CACHD1: variants seen among roughly 807,000 people sequenced by gnomAD.
CACHD1 encodes the protein cache domain containing 1.
CACHD1 carries 71 observed loss-of-function variants against 138.7 expected under a neutral mutation model. The observed-to-expected ratio is 0.51, with a 90% CI of 0.42 to 0.62. The LOEUF (loss-of-function observed/expected upper bound fraction) is 0.62, where lower values mean the gene tolerates loss of function less well. Ranked by LOEUF, CACHD1 falls within the 20% of genes least tolerant of loss-of-function variation. CACHD1 has a pLI of 0.00. For synonymous variants in CACHD1, 578 were observed against 591.5 expected (o/e 0.98, Z 0.33); for missense variants, 1,389 against 1,625.3 (o/e 0.85, Z 2.50).
chr1:64,520,094 A>T (rs1646487372), intron 1 of CACHD1, among the ~76,000 whole-genome samples: 1 of 152,204 alleles, frequency 6.6e-6, no homozygotes, highest in South Asian at 2.1e-4. Context: ...ACTTGTAGAC[A>T]TTACAACATT....
At chr1:64,594,029 G>A (rs1647129145) in intron 3 of CACHD1, among the ~76,000 whole-genome samples, 1 of 152,030 alleles carries the variant, frequency 6.6e-6, no homozygotes, top group African/African-American at 2.4e-5. Context: ...CGAGGCGTGG[G>A]GATCATCTGA....
intron 1 of CACHD1, among the ~76,000 whole-genome samples, chr1:64,499,610 A>G (rs2100318875): frequency 6.6e-6 from 1 of 152,346 alleles, no homozygotes; most frequent in Admixed American, 6.5e-5. Flanking sequence ...AAAATCTATC[A>G]TTTCTTTCCA....
intron 12 of CACHD1, among the ~76,000 whole-genome samples, chr1:64,656,182 A>G (rs940922156): frequency 1.3e-5 from 2 of 152,228 alleles, no homozygotes; most frequent in African/African-American, 4.8e-5. Context: ...CTAAAATGCA[A>G]ATGAAGCAAA....
At chr1:64,528,844 C>G (rs1257770762) in intron 1 of CACHD1, among the ~76,000 whole-genome samples, 1 of 149,776 alleles carries the variant, frequency 6.7e-6, no homozygotes. Flanking sequence ...ATTTTTTTTT[C>G]CATTTAAAAA....
At chr1:64,498,090 G>C (rs183555428) in intron 1 of CACHD1, among the ~76,000 whole-genome samples, 9 of 152,312 alleles carry the variant, frequency 5.9e-5, no homozygotes, top group Admixed American at 4.6e-4. Flanking sequence ...TCGTGCCACT[G>C]TACTCCAGTC....
intron 2 of CACHD1, among the ~76,000 whole-genome samples, chr1:64,571,907 T>A (rs1646929825): frequency 1.3e-5 from 2 of 152,236 alleles, no homozygotes. Flanking sequence ...TCCCAGAGCC[T>A]TTCTGACCTA....
chr1:64,562,093 G>A (rs1282661781), intron 2 of CACHD1, among the ~76,000 whole-genome samples: 2 of 152,032 alleles, frequency 1.3e-5, no homozygotes, highest in Middle Eastern at 3.4e-3. Flanking sequence ...CTCTGCTTCC[G>A]TTTTCAGCAA....
intron 1 of CACHD1, among the ~76,000 whole-genome samples, chr1:64,548,683 C>G (rs1467697517): frequency 1.3e-5 from 2 of 152,268 alleles, no homozygotes; most frequent in African/African-American, 4.8e-5. Flanking sequence ...TTGAGATCTG[C>G]ATCAAAATGT....
chr1:64,656,709 A>G (rs1649274728), intron 12 of CACHD1, among the ~76,000 whole-genome samples: 1 of 152,106 alleles, frequency 6.6e-6, no homozygotes, highest in South Asian at 2.1e-4. Context: ...TAGCAGTGTT[A>G]GCTTTCTCTG....
chr1:64,664,604 C>T lies in CACHD1; in HGVS notation c.2201C>T (p.Ala734Val). The T allele has an allele frequency of 6.2e-7, 1 of 1,614,186 alleles. No homozygotes were observed. The highest frequency in any genetic ancestry group is 1.1e-5 in the South Asian group (1 of 91,080). The change falls in exon 15 of 27, where the codon GCA (alanine) becomes GTA (valine). Residue 734 changes from alanine (A) to valine (V), a missense_variant. By Grantham distance (64) the Ala-to-Val change is moderately conservative (BLOSUM62 0). Coordinates refer to ENST00000651257, the MANE Select transcript of CACHD1 (RefSeq NM_020925.4). ...ACTTACATTGTCCGCCGTTACATAG[C>T]AACACCCAATGGCGTCCTCAGAATT... ...LNTYIVRRYI[A>V]TPNGVLRIYP...
chr1:64,488,822 T>C (rs977366101), intron 1 of CACHD1, among the ~76,000 whole-genome samples: 1 of 152,166 alleles, frequency 6.6e-6, no homozygotes, highest in Admixed American at 6.5e-5. Context: ...ATTAAATAAA[T>C]AAGAAACTAA....
At chr1:64,472,188 T>G (rs1646149375) in intron 1 of CACHD1, among the ~76,000 whole-genome samples, 1 of 50,574 alleles carries the variant, frequency 2.0e-5, no homozygotes, top group Admixed American at 2.6e-4. Flanking sequence ...TTCTTTCTTC[T>G]TCGTCGCGTC....
intron 26 of CACHD1, among the ~76,000 whole-genome samples, chr1:64,690,043 C>T (rs1048120470): frequency 6.6e-6 from 1 of 152,180 alleles, no homozygotes; most frequent in Admixed American, 6.5e-5. Context: ...CCATAATGGT[C>T]TCCAATAAAT....
At chr1:64,591,619 T>C (rs1364584671) in intron 3 of CACHD1, among the ~76,000 whole-genome samples, 4 of 152,228 alleles carry the variant, frequency 2.6e-5, no homozygotes, top group East Asian at 1.9e-4. Context: ...TTATGAGTTC[T>C]TGAGAAAGGG....
intron 1 of CACHD1, among the ~76,000 whole-genome samples, chr1:64,503,394 CCAAAACAAAA>C (rs781395074): frequency 6.6e-6 from 1 of 151,984 alleles, no homozygotes; most frequent in African/African-American, 2.4e-5. Context: ...CATGGAAAAC[CCAAAACAAAA>C]CAAAACAAAA....
chr1:64,574,533 T>A (rs1490396314), intron 2 of CACHD1, among the ~76,000 whole-genome samples: 1 of 152,210 alleles, frequency 6.6e-6, no homozygotes, highest in Non-Finnish European at 1.5e-5. Flanking sequence ...ATCCTGACTG[T>A]GTTGACTACT....
intron 2 of CACHD1, among the ~76,000 whole-genome samples, chr1:64,581,614 A>G (rs1318259245): frequency 2.0e-5 from 3 of 152,218 alleles, no homozygotes; most frequent in Non-Finnish European, 2.9e-5. Flanking sequence ...TTTCATTTAT[A>G]TGGATTGTAC....
chr1:64,676,748 T>C (rs1306120009), intron 21 of CACHD1, 147 bp from the exon 22 acceptor site: 1 of 626,790 alleles, frequency 1.6e-6, no homozygotes. Flanking sequence ...AAGCTCAGAG[T>C]TGTTAAGTGA....
chr1:64,500,003 C>G (rs1439563607), intron 1 of CACHD1, among the ~76,000 whole-genome samples: 1 of 152,188 alleles, frequency 6.6e-6, no homozygotes, highest in Non-Finnish European at 1.5e-5. Flanking sequence ...CTTATTATTT[C>G]AGTGATTCTA....
Sources: allele counts gnomAD v4.1 joint callset (sites outside exome capture counted in the v4.1 genomes callset), GRCh38; gene constraint gnomAD v4.1.1; transcripts MANE v1.5; gene names NCBI Gene and HGNC (gene_info 2026-07-23, HGNC 2026-07-21).